Variants in WDFY3 observed in about 807,000 individuals in gnomAD.
The protein encoded by WDFY3 is WD repeat and FYVE domain-containing protein 3.
A neutral mutation model predicts 409.6 loss-of-function variants in WDFY3; 66 were observed. The ratio of observed to expected loss-of-function variants is 0.16; its 90% confidence interval spans 0.13 to 0.20. The LOEUF (loss-of-function observed/expected upper bound fraction) is 0.20. Ranked by LOEUF, WDFY3 falls within the 10% of genes least tolerant of loss-of-function variation. The probability of loss-of-function intolerance (pLI) is 1.00; values close to 1 mark genes in which losing one functional copy is unlikely to be tolerated. For missense variants in WDFY3, 3,031 were observed against 4,298.1 expected (o/e 0.71, Z 8.24); for synonymous variants, 1,521 against 1,537.1 (o/e 0.99, Z 0.25).
intron 3 of WDFY3, among the ~76,000 whole-genome samples, chr4:84,868,455 ATTAAG>A (rs1761729513): frequency 6.6e-6 from 1 of 152,164 alleles, no homozygotes; most frequent in African/African-American, 2.4e-5. Flanking sequence ...CTTCTGAAGC[ATTAAG>A]TTTTCTGTCT....
At chr4:84,755,083 G>A (rs536439674) in intron 34 of WDFY3, among the ~76,000 whole-genome samples, 183 bp downstream of exon 34, 16 of 152,208 alleles carry the variant, frequency 1.1e-4, no homozygotes, top group African/African-American at 2.6e-4. Context: ...CAGAGTGCAC[G>A]GTCTTAACAA....
At chr4:84,818,964 C>T (rs1438036366) in intron 12 of WDFY3, among the ~76,000 whole-genome samples, 1 of 152,000 alleles carries the variant, frequency 6.6e-6, no homozygotes, top group Non-Finnish European at 1.5e-5. Flanking sequence ...GTTAGTCTAT[C>T]TTCATTATGT....
chr4:84,931,992 T>C (rs1412666753), intron 2 of WDFY3, among the ~76,000 whole-genome samples: 1 of 152,156 alleles, frequency 6.6e-6, no homozygotes, highest in African/African-American at 2.4e-5. Context: ...ACTTTCATCA[T>C]CTGTAGGTAC....
intron 19 of WDFY3, among the ~76,000 whole-genome samples, chr4:84,795,719 G>A (rs1290572480): frequency 1.3e-5 from 2 of 151,502 alleles, no homozygotes; most frequent in African/African-American, 2.4e-5. Context: ...CCAAGATCGC[G>A]CCATTGCACT....
intron 40 of WDFY3, 61 bp from the exon 41 acceptor site, chr4:84,737,427 G>C: frequency 6.8e-7 from 1 of 1,465,040 alleles, no homozygotes; most frequent in Non-Finnish European, 9.0e-7. Context: ...ACAGTATAAA[G>C]TTAGTTTTTA....
At chr4:84,791,972 T>C (rs1294586471) in intron 21 of WDFY3, among the ~76,000 whole-genome samples, 4 of 152,142 alleles carry the variant, frequency 2.6e-5, no homozygotes, top group Non-Finnish European at 5.9e-5. Flanking sequence ...AAGACAGCGG[T>C]GGAAAACCAG....
Position 84,778,499 on chromosome 4 carries a change from A to T in WDFY3, c.4518+4T>A. 1 of 1,594,830 alleles carries T rather than the reference A, an allele frequency of 6.3e-7. No homozygotes were observed. The highest frequency in any genetic ancestry group is 1.1e-5 in the South Asian group (1 of 87,284). On this transcript the variant is annotated splice_donor_region_variant and intron_variant, in intron 27 of 67. Coordinates refer to ENST00000295888, the MANE Select transcript of WDFY3 (RefSeq NM_014991.6). ...TATATTATCAATTATGCTTATATAC[A>T]TACTTCAAAATCACAGAGGAGGTCC...
intron 10 of WDFY3, among the ~76,000 whole-genome samples, chr4:84,824,348 A>G (rs1486286519): frequency 6.6e-6 from 1 of 152,148 alleles, no homozygotes; most frequent in Non-Finnish European, 1.5e-5. Context: ...ACTGTGACAA[A>G]TTTATAAATT....
chr4:84,963,474 C>T (rs941422578), intron 1 of WDFY3, among the ~76,000 whole-genome samples: 1 of 151,146 alleles, frequency 6.6e-6, no homozygotes. Context: ...AGGGGAAATT[C>T]GTAATCACAG....
intron 7 of WDFY3, among the ~76,000 whole-genome samples, chr4:84,833,721 G>T (rs975730746): frequency 6.6e-6 from 1 of 150,386 alleles, no homozygotes; most frequent in Non-Finnish European, 1.5e-5. Flanking sequence ...CAGAACAGAA[G>T]AGAACAGAAG....
At chr4:84,745,657 A>G (rs1739304156) in intron 36 of WDFY3, among the ~76,000 whole-genome samples, 1 of 152,190 alleles carries the variant, frequency 6.6e-6, no homozygotes, top group Admixed American at 6.6e-5. Context: ...GTAAGAATTA[A>G]AAGAATACCA....
intron 1 of WDFY3, among the ~76,000 whole-genome samples, chr4:84,942,903 T>C (rs1772327020): frequency 6.6e-6 from 1 of 152,188 alleles, no homozygotes; most frequent in South Asian, 2.1e-4. Flanking sequence ...GCATGTTCAT[T>C]TTGAGAAATT....
chr4:84,923,894 G>A (rs1337729643), intron 2 of WDFY3, among the ~76,000 whole-genome samples: 2 of 152,152 alleles, frequency 1.3e-5, no homozygotes, highest in Non-Finnish European at 2.9e-5. Flanking sequence ...AGCTATTCGG[G>A]GAGGCTGAGG....
rs189287514 is a variant in WDFY3 at position 84,693,455 on chromosome 4, T to C, written c.8902-423A>G. On this transcript the variant is annotated intron_variant, in intron 58 of 67. Coordinates refer to ENST00000295888, the MANE Select transcript of WDFY3 (RefSeq NM_014991.6). Reference sequence around the variant, plus strand: ...TGGTTTCAATGTGGCCTTTATGTGATTTAGAAATATCATTTTGGTGTCCTA... The same window carrying C: ...TGGTTTCAATGTGGCCTTTATGTGACTTAGAAATATCATTTTGGTGTCCTA... Among the ~76,000 whole-genome samples, 129 of 152,348 alleles carry C rather than the reference T, an allele frequency of 8.5e-4. 1 individual carries two copies. Among genetic ancestry groups the C allele is most frequent in the Middle Eastern group, 3.4e-3 (1 of 294 alleles).
chr4:84,791,806 C>G (rs1243843617), intron 21 of WDFY3, among the ~76,000 whole-genome samples: 1 of 152,190 alleles, frequency 6.6e-6, no homozygotes, highest in East Asian at 1.9e-4. Flanking sequence ...TGATTTGCTA[C>G]CATTCTACAA....
At chr4:84,727,456 C>A (rs528905295) in intron 44 of WDFY3, among the ~76,000 whole-genome samples, 28 of 152,150 alleles carry the variant, frequency 1.8e-4, no homozygotes, top group Non-Finnish European at 2.2e-4. Flanking sequence ...TCCTTCACTA[C>A]CTTTACCATC....
intron 54 of WDFY3, 136 bp downstream of exon 54, chr4:84,705,257 TA>T: frequency 1.5e-6 from 1 of 687,504 alleles, no homozygotes; most frequent in Non-Finnish European, 2.5e-6. Context: ...ATAATCTGCA[TA>T]TATGTGTGGA....
chr4:84,718,609 T>G, intron 47 of WDFY3, 39 bp from the exon 48 acceptor site: 1 of 1,585,768 alleles, frequency 6.3e-7, no homozygotes, highest in Middle Eastern at 1.7e-4. Context: ...ATATAGGCTT[T>G]TTGTAAAGAT....
At chr4:84,694,721 A>C (rs569081704) in intron 58 of WDFY3, among the ~76,000 whole-genome samples, 1 of 152,290 alleles carries the variant, frequency 6.6e-6, no homozygotes, top group South Asian at 2.1e-4. Context: ...GCTTGAGTCT[A>C]GGAGTTCAAG....
Sources: gnomAD v4.1 joint callset for allele counts (sites outside exome capture counted in the v4.1 genomes callset) on GRCh38, gnomAD v4.1.1 for gene constraint, MANE v1.5 for transcripts, NCBI Gene and HGNC (gene_info 2026-07-23, HGNC 2026-07-21) for gene names.